The following CDH12 variants were observed in gnomAD, a reference collection of about 807,000 sequenced individuals.
CDH12 encodes cadherin-12.
In CDH12, 41 loss-of-function variants were observed where a neutral mutation model predicts 74.1. That is an observed-to-expected ratio of 0.55 (90% CI 0.43 to 0.72). CDH12 has a LOEUF of 0.72. CDH12 is among the 30% of genes least tolerant of loss of function. The pLI is 0.00. For synonymous variants in CDH12, 399 were observed against 355.0 expected, an observed-to-expected ratio of 1.12 and a Z score of -1.39; for missense variants, 945 against 977.2, an observed-to-expected ratio of 0.97 and a Z score of 0.44.
chr5:21,891,712 T>C (rs766596464), intron 6 of CDH12, among the ~76,000 whole-genome samples: 5 of 152,116 alleles, frequency 3.3e-5, no homozygotes, highest in African/African-American at 4.8e-5. Context: ...TTTATCTCTA[T>C]AGGAGACAAT....
At chr5:22,693,692 G>C (rs1176747201) in intron 1 of CDH12, among the ~76,000 whole-genome samples, 1 of 151,746 alleles carries the variant, frequency 6.6e-6, no homozygotes, top group Non-Finnish European at 1.5e-5. Flanking sequence ...TAATATATGT[G>C]TTTTATTTAA....
Position 21,953,776 on chromosome 5 carries a change from A to G in CDH12, c.526+21315T>C, listed in dbSNP as rs539614042. Among the ~76,000 whole-genome samples, 365 of 152,276 alleles carry G rather than the reference A, an allele frequency of 2.4e-3. 1 individual carries two copies. The highest frequency in any genetic ancestry group is 8.5e-3 in the African/African-American group (354 of 41,570). ...AGCATTTAAAATGTAGATTCTGTCCAATCCTTACAATTAACTTTTTTATTG... is the reference window on the plus strand; with the variant it reads ...AGCATTTAAAATGTAGATTCTGTCCGATCCTTACAATTAACTTTTTTATTG... On this transcript the variant is annotated intron_variant, in intron 6 of 14. Coordinates refer to ENST00000382254, the MANE Select transcript of CDH12 (RefSeq NM_004061.5).
chr5:21,969,169 T>G (rs1756721137), intron 6 of CDH12, among the ~76,000 whole-genome samples: 1 of 150,566 alleles, frequency 6.6e-6, no homozygotes, highest in Admixed American at 6.6e-5. Context: ...AAAAAAGAAT[T>G]AAACCCAAAA....
intron 2 of CDH12, among the ~76,000 whole-genome samples, chr5:22,436,029 C>T (rs896858748): frequency 6.6e-6 from 1 of 151,630 alleles, no homozygotes; most frequent in Non-Finnish European, 1.5e-5. Context: ...ATATGTCCAA[C>T]ATTGATAGAC....
chr5:22,376,683 A>AT (rs34256665), intron 3 of CDH12, among the ~76,000 whole-genome samples: 1,296 of 117,174 alleles, frequency 0.011, 18 homozygotes, highest in African/African-American at 0.017. Flanking sequence ...TGGTTGACTA[A>AT]TTTTTTTTTT....
intron 2 of CDH12, among the ~76,000 whole-genome samples, chr5:22,503,812 CT>C (rs1453677579): frequency 2.0e-5 from 3 of 151,924 alleles, no homozygotes; most frequent in Non-Finnish European, 4.4e-5. Flanking sequence ...TTTTAATGCT[CT>C]GTTATGCTTT....
At chr5:22,496,648 C>T (rs1237057356) in intron 2 of CDH12, among the ~76,000 whole-genome samples, 1 of 152,178 alleles carries the variant, frequency 6.6e-6, no homozygotes, top group African/African-American at 2.4e-5. Flanking sequence ...ATCAACACTG[C>T]TGTTGTCAAC....
chr5:22,787,506 T>C (rs1001547126), intron 1 of CDH12, among the ~76,000 whole-genome samples: 4 of 152,178 alleles, frequency 2.6e-5, no homozygotes, highest in African/African-American at 9.6e-5. Flanking sequence ...GTTAATGTAT[T>C]AGTGATTCAT....
At chr5:22,768,271 A>G (rs1343973135) in intron 1 of CDH12, among the ~76,000 whole-genome samples, 5 of 152,136 alleles carry the variant, frequency 3.3e-5, no homozygotes, top group Admixed American at 6.5e-5. Flanking sequence ...CTGTAGTTAG[A>G]TAACTCTATC....
At chr5:22,709,774 T>G (rs1743199752) in intron 1 of CDH12, among the ~76,000 whole-genome samples, 1 of 152,222 alleles carries the variant, frequency 6.6e-6, no homozygotes, top group Non-Finnish European at 1.5e-5. Flanking sequence ...TGTAATTTAT[T>G]CTGACCAACA....
At chr5:22,370,244 C>T (rs556663028) in intron 3 of CDH12, among the ~76,000 whole-genome samples, 29 of 152,232 alleles carry the variant, frequency 1.9e-4, no homozygotes, top group East Asian at 7.7e-4. Flanking sequence ...AAAAGTGTGT[C>T]TTGCTTTAAC....
chr5:21,931,834 C>T (rs1415104080), intron 6 of CDH12, among the ~76,000 whole-genome samples: 3 of 152,146 alleles, frequency 2.0e-5, no homozygotes, highest in Non-Finnish European at 4.4e-5. Flanking sequence ...TTGCTCTTTT[C>T]CTGTTTAACC....
intron 1 of CDH12, among the ~76,000 whole-genome samples, chr5:22,642,787 C>T (rs1314368023): frequency 6.6e-6 from 1 of 151,906 alleles, no homozygotes; most frequent in Non-Finnish European, 1.5e-5. Flanking sequence ...TAAAGTGAAA[C>T]AATTATATAA....
intron 1 of CDH12, among the ~76,000 whole-genome samples, chr5:22,809,942 A>G (rs1221362100): frequency 1.3e-5 from 2 of 152,174 alleles, no homozygotes; most frequent in East Asian, 3.8e-4. Context: ...TCTAGAATGT[A>G]TCCTAGCTTA....
intron 6 of CDH12, chr5:21,889,761 T>C (rs1752812411): frequency 2.0e-6 from 2 of 984,604 alleles, no homozygotes; most frequent in Admixed American, 6.2e-5. Flanking sequence ...CTTTCTGCTG[T>C]AGGAAGTAAC....
At chr5:21,870,075 C>T (rs1751537341) in intron 6 of CDH12, among the ~76,000 whole-genome samples, 1 of 152,114 alleles carries the variant, frequency 6.6e-6, no homozygotes, top group Non-Finnish European at 1.5e-5. Context: ...TTGCGTCTTC[C>T]TCATTCTCTC....
intron 5 of CDH12, among the ~76,000 whole-genome samples, chr5:22,045,503 C>G (rs1331438522): frequency 6.6e-6 from 1 of 150,950 alleles, no homozygotes; most frequent in Non-Finnish European, 1.5e-5. Context: ...TAATGCAGCA[C>G]TATTCACAAT....
chr5:21,953,101 T>A (rs1188881175), intron 6 of CDH12, among the ~76,000 whole-genome samples: 1 of 151,186 alleles, frequency 6.6e-6, no homozygotes, highest in Non-Finnish European at 1.5e-5. Flanking sequence ...CCTTTAAAGG[T>A]CTGAAAAGAA....
At chr5:22,571,505 T>G (rs1290952724) in intron 1 of CDH12, among the ~76,000 whole-genome samples, 5 of 152,218 alleles carry the variant, frequency 3.3e-5, no homozygotes, top group Non-Finnish European at 4.4e-5. Flanking sequence ...TTTGTATTTT[T>G]GGTAGATACG....
Sources: gnomAD v4.1 joint callset for allele counts (sites outside exome capture counted in the v4.1 genomes callset) on GRCh38, gnomAD v4.1.1 for gene constraint, MANE v1.5 for transcripts, NCBI Gene and HGNC (gene_info 2026-07-23, HGNC 2026-07-21) for gene names.